The following KCNT2 variants were observed in gnomAD, a reference collection of about 807,000 sequenced individuals.
KCNT2 encodes the protein potassium channel subfamily T member 2.
KCNT2 carries 67 observed loss-of-function variants against 153.8 expected under a neutral mutation model. The ratio of observed to expected loss-of-function variants is 0.44; its 90% CI spans 0.36 to 0.53. The LOEUF (loss-of-function observed/expected upper bound fraction) is 0.53, where lower values mean the gene tolerates loss of function less well. Ranked by LOEUF, KCNT2 falls within the 20% of genes least tolerant of loss-of-function variation. KCNT2 has a pLI of 0.00. For missense variants in KCNT2, 975 were observed against 1,354.8 expected, an observed-to-expected ratio of 0.72 and a Z score of 4.40; for synonymous variants, 500 against 458.8, an observed-to-expected ratio of 1.09 and a Z score of -1.15.
chr1:196,519,838 A>G (rs1281255111), intron 1 of KCNT2, among the ~76,000 whole-genome samples: 3 of 152,204 alleles, frequency 2.0e-5, no homozygotes, highest in Admixed American at 2.0e-4. Context: ...CAAGACCAGA[A>G]AGATTCACAG....
chr1:196,267,965 A>G (rs1334070978), intron 25 of KCNT2, among the ~76,000 whole-genome samples: 1 of 152,186 alleles, frequency 6.6e-6, no homozygotes, highest in Non-Finnish European at 1.5e-5. Flanking sequence ...GGATTAATCA[A>G]GTGAACAGTG....
intron 13 of KCNT2, among the ~76,000 whole-genome samples, chr1:196,388,698 A>G (rs1196774246): frequency 6.6e-6 from 1 of 151,740 alleles, no homozygotes; most frequent in Non-Finnish European, 1.5e-5. Context: ...TATCTTTACA[A>G]GCATAGAAAA....
At chr1:196,296,441 A>T (rs1434984536) in intron 22 of KCNT2, among the ~76,000 whole-genome samples, 1 of 152,024 alleles carries the variant, frequency 6.6e-6, no homozygotes, top group Non-Finnish European at 1.5e-5. Context: ...ATAATTTTAG[A>T]TTCCTAATAT....
At chr1:196,553,407 C>A (rs966286931) in intron 1 of KCNT2, among the ~76,000 whole-genome samples, 2 of 150,730 alleles carry the variant, frequency 1.3e-5, no homozygotes, top group Non-Finnish European at 1.5e-5. Flanking sequence ...ATATTACTCC[C>A]AGAAAGAAAA....
intron 1 of KCNT2, among the ~76,000 whole-genome samples, chr1:196,576,385 A>G (rs575921502): frequency 4.6e-5 from 7 of 152,266 alleles, no homozygotes; most frequent in South Asian, 2.1e-4. Context: ...ATGTTTTTCT[A>G]TTTGAATCTA....
intron 13 of KCNT2, among the ~76,000 whole-genome samples, chr1:196,393,948 C>G (rs965412847): frequency 6.6e-6 from 1 of 151,466 alleles, no homozygotes; most frequent in Non-Finnish European, 1.5e-5. Context: ...TTGCCTCTGT[C>G]ATATGTTTCA....
At chr1:196,461,271 C>G (rs1001413603) in intron 8 of KCNT2, among the ~76,000 whole-genome samples, 5 of 151,618 alleles carry the variant, frequency 3.3e-5, no homozygotes, top group Non-Finnish European at 7.4e-5. Flanking sequence ...GCATGTTAAT[C>G]ATGTTTAACA....
At chr1:196,568,549 T>A (rs570295976) in intron 1 of KCNT2, among the ~76,000 whole-genome samples, 36 of 147,188 alleles carry the variant, frequency 2.4e-4, no homozygotes, top group South Asian at 1.7e-3. Flanking sequence ...TGAGCAGAGA[T>A]CGCGCCACTG....
At chr1:196,375,872 C>T (rs1429212982) in intron 13 of KCNT2, among the ~76,000 whole-genome samples, 1 of 151,640 alleles carries the variant, frequency 6.6e-6, no homozygotes, top group Non-Finnish European at 1.5e-5. Context: ...ATTAAGAAAG[C>T]TATTTAATTT....
chr1:196,352,088 G>T (rs1558183706), intron 14 of KCNT2, among the ~76,000 whole-genome samples: 1 of 152,146 alleles, frequency 6.6e-6, no homozygotes, highest in Admixed American at 6.6e-5. Context: ...TTTTGGATGT[G>T]TTGCTGGATT....
chr1:196,349,175 A>G (rs1013561347), intron 14 of KCNT2, among the ~76,000 whole-genome samples: 1 of 152,174 alleles, frequency 6.6e-6, no homozygotes, highest in African/African-American at 2.4e-5. Context: ...AGGATATTGG[A>G]AGACAAGTTG....
At chr1:196,378,552 C>A (rs1198186950) in intron 13 of KCNT2, among the ~76,000 whole-genome samples, 2 of 151,316 alleles carry the variant, frequency 1.3e-5, no homozygotes, top group Non-Finnish European at 2.9e-5. Flanking sequence ...CAGTAAATGG[C>A]TAATAGACAT....
intron 13 of KCNT2, among the ~76,000 whole-genome samples, chr1:196,383,051 CTGAA>C (rs1481128654): frequency 6.6e-6 from 1 of 152,002 alleles, no homozygotes; most frequent in Non-Finnish European, 1.5e-5. Flanking sequence ...ATGTGGCTGA[CTGAA>C]TGAAGTGGCA....
chr1:196,568,389 C>T (rs570260305), intron 1 of KCNT2, among the ~76,000 whole-genome samples: 1 of 151,946 alleles, frequency 6.6e-6, no homozygotes, highest in Non-Finnish European at 1.5e-5. Context: ...ATAAGGAGAT[C>T]GAGCCCATCC....
At chr1:196,394,643 G>A (rs905924868) in intron 13 of KCNT2, among the ~76,000 whole-genome samples, 1 of 151,420 alleles carries the variant, frequency 6.6e-6, no homozygotes, top group African/African-American at 2.4e-5. Flanking sequence ...AAGAGTTTTA[G>A]TTTTGCAAAT....
At chr1:196,254,593 G>T (rs1188223494) in intron 26 of KCNT2, among the ~76,000 whole-genome samples, 2 of 151,392 alleles carry the variant, frequency 1.3e-5, no homozygotes, top group South Asian at 2.1e-4. Context: ...TGATTTATTC[G>T]TTAAAAAATA....
chr1:196,592,159 A>G (rs1663435566), intron 1 of KCNT2, among the ~76,000 whole-genome samples: 1 of 152,128 alleles, frequency 6.6e-6, no homozygotes, highest in Admixed American at 6.6e-5. Context: ...TGGTACATAT[A>G]CACAATGGTG....
chr1:196,256,896 A>T (rs1656564178), intron 26 of KCNT2, among the ~76,000 whole-genome samples: 1 of 152,034 alleles, frequency 6.6e-6, no homozygotes, highest in African/African-American at 2.4e-5. Context: ...ATGTAAATTA[A>T]TTGGCAGATA....
At chr1:196,427,336 A>T (rs1435112838) in intron 10 of KCNT2, among the ~76,000 whole-genome samples, 1 of 152,032 alleles carries the variant, frequency 6.6e-6, no homozygotes, top group Non-Finnish European at 1.5e-5. Context: ...ATATTCACAA[A>T]TCAATATTTC....
Sources: gnomAD v4.1 joint callset for allele counts (sites outside exome capture counted in the v4.1 genomes callset) on GRCh38, gnomAD v4.1.1 for gene constraint, MANE v1.5 for transcripts, NCBI Gene and HGNC (gene_info 2026-07-23, HGNC 2026-07-21) for gene names.